GRIA4: variants seen among roughly 807,000 people sequenced by gnomAD.
GRIA4 encodes glutamate ionotropic receptor AMPA type subunit 4, also known as glutamate receptor 4.
A neutral mutation model predicts 104.0 loss-of-function variants in GRIA4; 34 were observed. That is an observed-to-expected ratio of 0.33 (90% CI 0.25 to 0.44). The LOEUF (loss-of-function observed/expected upper bound fraction) is 0.44, where lower values mean the gene tolerates loss of function less well. Ranked by LOEUF, GRIA4 falls within the 20% of genes least tolerant of loss-of-function variation. The pLI is 1.00. For synonymous variants in GRIA4, 386 were observed against 381.9 expected (o/e 1.01, Z -0.13); for missense variants, 750 against 1,096.5 (o/e 0.68, Z 4.46).
intron 4 of GRIA4, among the ~76,000 whole-genome samples, chr11:105,778,229 GC>G (rs1216923840): frequency 6.6e-6 from 1 of 152,132 alleles, no homozygotes; most frequent in Non-Finnish European, 1.5e-5. Flanking sequence ...TTTCACCTAT[GC>G]TTTTAAAGTC....
chr11:105,637,399 T>C (rs906840733), intron 3 of GRIA4, among the ~76,000 whole-genome samples: 3 of 152,218 alleles, frequency 2.0e-5, no homozygotes, highest in Non-Finnish European at 4.4e-5. Context: ...ATAGTATCAC[T>C]GGATTTAGTG....
chr11:105,918,007 GAA>G (rs1332787223), intron 10 of GRIA4, among the ~76,000 whole-genome samples: 2 of 152,014 alleles, frequency 1.3e-5, no homozygotes, highest in African/African-American at 4.8e-5. Flanking sequence ...ACAACTGGAG[GAA>G]AATTATCAGC....
chr11:105,831,702 T>G (rs539822176), intron 4 of GRIA4, among the ~76,000 whole-genome samples: 5 of 152,132 alleles, frequency 3.3e-5, no homozygotes, highest in African/African-American at 1.2e-4. Flanking sequence ...CCACAGACTC[T>G]TCTCTATTGT....
chr11:105,972,821 G>A (rs1309286960), intron 15 of GRIA4, among the ~76,000 whole-genome samples: 5 of 152,064 alleles, frequency 3.3e-5, no homozygotes, highest in African/African-American at 4.8e-5. Context: ...AACAGCACCT[G>A]AAAGCCAGAG....
chr11:105,641,688 T>C (rs1951364072), intron 3 of GRIA4, among the ~76,000 whole-genome samples: 7 of 152,104 alleles, frequency 4.6e-5, no homozygotes, highest in Admixed American at 4.6e-4. Flanking sequence ...TAAAATTAGA[T>C]ACCTTCCCAT....
chr11:105,903,507 A>T (rs1280584668), intron 7 of GRIA4, among the ~76,000 whole-genome samples: 1 of 152,222 alleles, frequency 6.6e-6, no homozygotes, highest in South Asian at 2.1e-4. Flanking sequence ...TTGTACTGGG[A>T]CACAACAGAA....
intron 4 of GRIA4, among the ~76,000 whole-genome samples, chr11:105,817,939 C>T (rs1341311115): frequency 1.3e-5 from 2 of 151,736 alleles, no homozygotes; most frequent in East Asian, 1.9e-4. Flanking sequence ...GAAGCAAGCA[C>T]CTACACAAAG....
At chr11:105,611,956 A>G (rs1338385072) in intron 2 of GRIA4, among the ~76,000 whole-genome samples, 2 of 152,208 alleles carry the variant, frequency 1.3e-5, no homozygotes, top group East Asian at 3.9e-4. Context: ...CATGCATCTT[A>G]GAGAGAGCTG....
intron 10 of GRIA4, among the ~76,000 whole-genome samples, chr11:105,915,729 T>G (rs1947381534): frequency 6.6e-6 from 1 of 152,216 alleles, no homozygotes; most frequent in Admixed American, 6.5e-5. Context: ...TCTTTAATCT[T>G]GTTCCCTAAG....
chr11:105,948,869 G>C (rs1240718753), intron 14 of GRIA4, among the ~76,000 whole-genome samples: 1 of 152,008 alleles, frequency 6.6e-6, no homozygotes, highest in Non-Finnish European at 1.5e-5. Context: ...GAGATGACAG[G>C]CATGAGCCAC....
intron 15 of GRIA4, 72 bp from the exon 16 acceptor site, chr11:105,974,238 G>C: frequency 1.4e-6 from 2 of 1,458,430 alleles, no homozygotes; most frequent in Non-Finnish European, 1.9e-6. Flanking sequence ...TGGCTTTTTG[G>C]ATTTCATGTG....
intron 10 of GRIA4, chr11:105,911,977 T>C (rs1372933449): frequency 1.4e-6 from 2 of 1,474,692 alleles, no homozygotes; most frequent in Non-Finnish European, 9.1e-7. Flanking sequence ...TTCTCCAGTG[T>C]AGTAAATTTA....
chr11:105,735,182 A>G (rs779689781), intron 3 of GRIA4, among the ~76,000 whole-genome samples: 25 of 152,108 alleles, frequency 1.6e-4, no homozygotes, highest in Non-Finnish European at 2.8e-4. Context: ...TTAAACCCTT[A>G]GAGACTTTCC....
intron 9 of GRIA4, among the ~76,000 whole-genome samples, chr11:105,905,721 G>A (rs976377335): frequency 1.3e-5 from 2 of 152,154 alleles, no homozygotes; most frequent in African/African-American, 4.8e-5. Flanking sequence ...AATAGGCTGG[G>A]TGTTCTTGAA....
chr11:105,719,411 T>C (rs910239414), intron 3 of GRIA4, among the ~76,000 whole-genome samples: 12 of 152,156 alleles, frequency 7.9e-5, no homozygotes, highest in African/African-American at 2.9e-4. Context: ...AATCTTTCTT[T>C]GTGCATATGT....
At position 105,894,791 on chromosome 11, in the gene GRIA4, A is replaced by T. The variant is rs992286712; in HGVS notation, c.727-3478A>T. ...TCTAACTGCAGGATTATTGCTACATATTTTTTTTTTTTTTTTTTTGAGACG... is the reference window on the plus strand; with the variant it reads ...TCTAACTGCAGGATTATTGCTACATTTTTTTTTTTTTTTTTTTTTGAGACG... On this transcript the variant is annotated intron_variant, in intron 6 of 16. Transcript: ENST00000282499. 4.0e-4 allele frequency among the ~76,000 whole-genome samples: 50 copies of T among 126,358 alleles called. 2 individuals are homozygous for T. Among genetic ancestry groups the T allele is most frequent in the African/African-American group, 1.2e-3 (39 of 31,776 alleles). 82.9% of individuals were successfully genotyped at this position (126,358 alleles called of 152,430 possible).
rs1947480493 is a variant in GRIA4, at chr11:105,918,864, A to G, written c.1422A>G (p.Ala474=). 6.2e-7 allele frequency: 1 copy of G among 1,611,930 alleles called. No individual in the cohort carries two copies. The highest frequency in any genetic ancestry group is 8.5e-7 in the Non-Finnish European group (1 of 1,178,192). The change falls in exon 11 of 17, where the codon GCA becomes GCG. Residue 474 remains alanine (A), a synonymous_variant. Coordinates refer to ENST00000282499, the MANE Select transcript of GRIA4 (RefSeq NM_000829.4). ...IAIVPDGKYG[A]RDADTKIWNG... ...TTGTCCCTGATGGAAAATATGGAGCAAGGGATGCAGACACAAAAATCTGGA... is the reference window on the plus strand; with the variant it reads ...TTGTCCCTGATGGAAAATATGGAGCGAGGGATGCAGACACAAAAATCTGGA...
In GRIA4 at chr11:105,979,837, A is replaced by C; in HGVS notation, c.*98A>C. Reference sequence around the variant, plus strand: ...CCACGCGCGGGTCTTTGCTAAACCAATCCTTTGGCTGAGAGCGGGAAGTCC... The same window carrying C: ...CCACGCGCGGGTCTTTGCTAAACCACTCCTTTGGCTGAGAGCGGGAAGTCC... On this transcript the variant is annotated 3_prime_UTR_variant, in exon 17 of 17. Transcript: ENST00000282499. 1.2e-6 allele frequency: 1 copy of C among 845,530 alleles called. No individual in the cohort carries two copies. Among genetic ancestry groups the C allele is most frequent in the Non-Finnish European group, 1.8e-6 (1 of 541,188 alleles). The allele number at this position is 845,530 out of a possible 1,614,324, so 52.4% of individuals were successfully genotyped here. A position where few individuals can be genotyped will look rare whatever the true frequency, so the allele number is the denominator to read the frequency against.
At chr11:105,913,820 G>A (rs888461060) in intron 10 of GRIA4, among the ~76,000 whole-genome samples, 1 of 151,986 alleles carries the variant, frequency 6.6e-6, no homozygotes. Flanking sequence ...ACCATCTCAT[G>A]AACACAACAA....
Sources: allele counts gnomAD v4.1 joint callset (sites outside exome capture counted in the v4.1 genomes callset), GRCh38; gene constraint gnomAD v4.1.1; transcripts MANE v1.5; gene names NCBI Gene and HGNC (gene_info 2026-07-23, HGNC 2026-07-21).